Variants in PAK5 observed in about 807,000 individuals in gnomAD.
The protein encoded by PAK5 is serine/threonine-protein kinase PAK 5.
In PAK5, 16 loss-of-function variants were observed where a neutral mutation model predicts 65.9. That is an observed-to-expected ratio of 0.24 (90% CI 0.16 to 0.37). PAK5 has a LOEUF of 0.37. PAK5 is among the 10% of genes least tolerant of loss of function. The pLI is 1.00. For missense variants in PAK5, 785 were observed against 903.9 expected (o/e 0.87, Z 1.69); for synonymous variants, 371 against 354.9 (o/e 1.05, Z -0.51).
intron 1 of PAK5, among the ~76,000 whole-genome samples, chr20:9,799,781 A>T (rs915365828): frequency 8.6e-5 from 13 of 151,850 alleles, no homozygotes; most frequent in Non-Finnish European, 1.8e-4. Context: ...TTACAAAAAA[A>T]AATGTTTACA....
intron 1 of PAK5, among the ~76,000 whole-genome samples, chr20:9,820,406 T>C (rs981301438): frequency 1.4e-4 from 21 of 152,348 alleles, no homozygotes; most frequent in African/African-American, 5.0e-4. Flanking sequence ...GAGTTGTTTT[T>C]ACTCACTGTG....
chr20:9,545,930 A>C (rs2045337281), intron 7 of PAK5, among the ~76,000 whole-genome samples: 1 of 152,168 alleles, frequency 6.6e-6, no homozygotes, highest in South Asian at 2.1e-4. Context: ...GAGTTAAAAA[A>C]AAAAACTATC....
intron 1 of PAK5, among the ~76,000 whole-genome samples, chr20:9,726,221 G>A (rs1254964739): frequency 6.6e-6 from 1 of 152,092 alleles, no homozygotes; most frequent in African/African-American, 2.4e-5. Context: ...TCTCACCTAA[G>A]TTTGAATCCA....
At position 9,688,370 on chromosome 20, in the gene PAK5, G is replaced by A. The variant is rs577562125; in HGVS notation, c.-12+22916C>T. Reference sequence around the variant, plus strand: ...ACAGAGAATCTCTTTAAACTCGAGCGGCTTCTTCAAAGGAGACCTGAAATA... The same window carrying A: ...ACAGAGAATCTCTTTAAACTCGAGCAGCTTCTTCAAAGGAGACCTGAAATA... On this transcript the variant is annotated intron_variant, in intron 2 of 9. Coordinates refer to ENST00000353224, the MANE Select transcript of PAK5 (RefSeq NM_177990.4). 1.4e-3 allele frequency among the ~76,000 whole-genome samples: 220 copies of A among 151,872 alleles called. 1 individual carries two copies. Among genetic ancestry groups the A allele is most frequent in the Non-Finnish European group, 2.0e-3 (136 of 67,960 alleles).
intron 1 of PAK5, among the ~76,000 whole-genome samples, chr20:9,791,206 C>G (rs1430679808): frequency 6.6e-6 from 1 of 152,114 alleles, no homozygotes; most frequent in Non-Finnish European, 1.5e-5. Context: ...CACCTTTAAG[C>G]CCTGGGCATA....
At chr20:9,574,236 A>G (rs1281121542) in intron 4 of PAK5, among the ~76,000 whole-genome samples, 1 of 152,156 alleles carries the variant, frequency 6.6e-6, no homozygotes, top group Non-Finnish European at 1.5e-5. Flanking sequence ...GCACACTGAG[A>G]GTTGGACAAG....
chr20:9,589,914 G>A (rs1445262786), intron 3 of PAK5, among the ~76,000 whole-genome samples: 2 of 152,050 alleles, frequency 1.3e-5, no homozygotes, highest in East Asian at 3.9e-4. Flanking sequence ...ACTCATAAAG[G>A]TAAGGCATCT....
intron 1 of PAK5, among the ~76,000 whole-genome samples, chr20:9,771,566 T>C (rs2048833759): frequency 7.0e-6 from 1 of 143,442 alleles, no homozygotes; most frequent in Non-Finnish European, 1.5e-5. Flanking sequence ...TGCCACCACA[T>C]TCAGTCAATT....
At chr20:9,796,382 A>T (rs147061340) in intron 1 of PAK5, among the ~76,000 whole-genome samples, 1 of 152,110 alleles carries the variant, frequency 6.6e-6, no homozygotes, top group East Asian at 1.9e-4. Flanking sequence ...GGGAGGCATC[A>T]AAGCAAAGGG....
intron 1 of PAK5, among the ~76,000 whole-genome samples, chr20:9,832,302 T>C (rs569897728): frequency 1.3e-5 from 2 of 152,176 alleles, no homozygotes; most frequent in East Asian, 1.9e-4. Context: ...TGACAGAGTA[T>C]CACTCTGTCA....
chr20:9,688,997 G>A (rs572731354), intron 2 of PAK5, among the ~76,000 whole-genome samples: 1 of 152,252 alleles, frequency 6.6e-6, no homozygotes, highest in South Asian at 2.1e-4. Context: ...GATTCTAAAT[G>A]AGCATCCTGA....
At chr20:9,735,665 C>T (rs948083572) in intron 1 of PAK5, among the ~76,000 whole-genome samples, 1 of 151,978 alleles carries the variant, frequency 6.6e-6, no homozygotes, top group Admixed American at 6.6e-5. Context: ...CAACAAAAAA[C>T]AGCTTCCATG....
At chr20:9,787,864 G>T (rs1411441681) in intron 1 of PAK5, among the ~76,000 whole-genome samples, 1 of 151,946 alleles carries the variant, frequency 6.6e-6, no homozygotes, top group Non-Finnish European at 1.5e-5. Context: ...AGGAAGTGGT[G>T]ACTTTTGAGT....
intron 1 of PAK5, among the ~76,000 whole-genome samples, chr20:9,743,650 C>T (rs936844605): frequency 2.0e-5 from 3 of 152,062 alleles, no homozygotes; most frequent in South Asian, 2.1e-4. Context: ...ATATTTTTTG[C>T]TAGTTATCAG....
chr20:9,805,166 CAAT>C (rs2049216782), intron 1 of PAK5, among the ~76,000 whole-genome samples: 1 of 152,072 alleles, frequency 6.6e-6, no homozygotes, highest in Non-Finnish European at 1.5e-5. Flanking sequence ...ATCAAAACCA[CAAT>C]GAGATACCAC....
In PAK5 at chr20:9,735,520, C is replaced by G. The variant is rs143442250; in HGVS notation, c.-161-24085G>C. The stretch of plus-strand genomic sequence containing the variant: ...AGCAAGACTGGAAAGGCCGAAGATC[C>G]GTGGACGTTAGGTAAAGTACTCAGG... On this transcript the variant is annotated intron_variant, in intron 1 of 9. Transcript: ENST00000353224. Among the ~76,000 whole-genome samples the G allele has an allele frequency of 1.3e-3, 196 of 152,116 alleles. 2 individuals are homozygous for G. The highest frequency in any genetic ancestry group is 4.2e-3 in the African/African-American group (176 of 41,480).
chr20:9,735,902 AT>A (rs36113165), intron 1 of PAK5, among the ~76,000 whole-genome samples: 4,021 of 136,874 alleles, frequency 0.029, 150 homozygotes, highest in African/African-American at 0.091. Flanking sequence ...GAAACAATCT[AT>A]TTTTTTTTTT....
intron 1 of PAK5, among the ~76,000 whole-genome samples, chr20:9,726,857 A>T (rs1419623498): frequency 6.6e-6 from 1 of 152,208 alleles, no homozygotes. Context: ...GCGACCAAAA[A>T]GGATGATCAA....
At chr20:9,735,442 A>G (rs551469682) in intron 1 of PAK5, among the ~76,000 whole-genome samples, 1 of 152,294 alleles carries the variant, frequency 6.6e-6, no homozygotes, top group Non-Finnish European at 1.5e-5. Context: ...AAACGTTTAG[A>G]GGTTACCATG....
Sources: allele counts gnomAD v4.1 joint callset (sites outside exome capture counted in the v4.1 genomes callset), GRCh38; gene constraint gnomAD v4.1.1; transcripts MANE v1.5; gene names NCBI Gene and HGNC (gene_info 2026-07-23, HGNC 2026-07-21).